Variants in ZNF443 observed in about 807,000 individuals in gnomAD.
ZNF443 encodes zinc finger protein 443.
A neutral mutation model predicts 12.0 loss-of-function variants in ZNF443; 3 were observed. The observed-to-expected ratio is 0.25, with a 90% CI of 0.11 to 0.64. The LOEUF (loss-of-function observed/expected upper bound fraction) is 0.64, where lower values mean the gene tolerates loss of function less well. ZNF443 is among the 30% of genes least tolerant of loss of function. The pLI, the probability that ZNF443 is intolerant of heterozygous loss-of-function variation, is 0.84. For missense variants in ZNF443, 770 were observed against 808.8 expected, an observed-to-expected ratio of 0.95 and a Z score of 0.58; for synonymous variants, 225 against 265.9, an observed-to-expected ratio of 0.85 and a Z score of 1.50.
chr19:12,440,468 A>G (rs1338432756), intron 1 of ZNF443, among the ~76,000 whole-genome samples: 2 of 151,952 alleles, frequency 1.3e-5, no homozygotes, highest in Admixed American at 1.3e-4. Context: ...TTCACCCCTC[A>G]CTTCCCCACC....
chr19:12,431,243 G>C lies in ZNF443; in HGVS notation c.929C>G (p.Thr310Arg). 6.2e-7 allele frequency: 1 copy of C among 1,611,564 alleles called. No individual in the cohort carries two copies. Among genetic ancestry groups the C allele is most frequent in the Non-Finnish European group, 8.5e-7 (1 of 1,179,034 alleles). Residue 310 changes from threonine to arginine, a missense_variant, in exon 4 of 4, where the codon ACA (threonine) becomes AGA (arginine). By Grantham distance (71) the Thr-to-Arg change is moderately conservative. Coordinates refer to ENST00000301547, the MANE Select transcript of ZNF443 (RefSeq NM_005815.5). ...ERTHTGEKPY[T>R]CKQCGKAFSV... is the part of the protein sequence containing the mutation. ...GAAGGCTTTCCCACATTGTTTACAT[G>C]TATAGGGTTTCTCTCCAGTGTGAGT... is the stretch of plus-strand genomic sequence containing the variant.
In ZNF443 at chr19:12,430,376, T is replaced by C; in HGVS notation, c.1796A>G (p.His599Arg). 1 of 1,573,088 alleles carries C rather than the reference T, an allele frequency of 6.4e-7. No homozygotes were observed. Among genetic ancestry groups the C allele is most frequent in the Non-Finnish European group, 8.6e-7 (1 of 1,158,796 alleles). Residue 599 changes from histidine (H) to arginine (R), a missense_variant, in exon 4 of 4, where the codon CAT becomes CGT. Coordinates refer to ENST00000301547, the MANE Select transcript of ZNF443 (RefSeq NM_005815.5). Reference protein sequence around the residue: ...ECPQCGKAFTHSRFLQGHEKT... With the variant: ...ECPQCGKAFTRSRFLQGHEKT... ...TTCATGTCCTTGAAGAAAACGGGAA[T>C]GAGTGAAGGCTTTACCACATTGTGG...
chr19:12,431,846 C>T lies in ZNF443; in HGVS notation c.326G>A (p.Gly109Glu). ...GGATGAATGACCCATGACTTTTTCT[C>T]CTCTCATACTGCTTTCACAAGGACC... ...GVGPCESSMRGEKVMGHSSLN... is the reference protein window; with the variant it reads ...GVGPCESSMREEKVMGHSSLN... The change falls in exon 4 of 4, where the codon GGA becomes GAA. Residue 109 changes from glycine (G) to glutamate (E), a missense_variant. Gly to Glu is a moderately conservative substitution (Grantham distance 98). Coordinates refer to ENST00000301547, the MANE Select transcript of ZNF443 (RefSeq NM_005815.5). 4.3e-6 allele frequency: 7 copies of T among 1,614,100 alleles called. No individual in the cohort carries two copies. Among genetic ancestry groups the T allele is most frequent in the Non-Finnish European group, 5.9e-6 (7 of 1,180,008 alleles).
rs778532983 is a variant in ZNF443, at chr19:12,431,320, C to T, written c.852G>A (p.Lys284=). ...THTGEKPYKC[K]QCSKAFPDSS... is the part of the protein sequence containing the mutation. Reference sequence around the variant, plus strand: ...AATCAGGGAAGGCTTTAGAACACTGCTTACATTTATATGGTTTCTCCCCAG... The same window carrying T: ...AATCAGGGAAGGCTTTAGAACACTGTTTACATTTATATGGTTTCTCCCCAG... Residue 284 remains lysine (K), a synonymous_variant, in exon 4 of 4, where the codon AAG becomes AAA. Coordinates refer to ENST00000301547, the MANE Select transcript of ZNF443 (RefSeq NM_005815.5). The T allele has an allele frequency of 1.9e-6, 3 of 1,613,866 alleles. No homozygotes were observed. The highest frequency in any genetic ancestry group is 1.1e-5 in the South Asian group (1 of 91,056).
At chr19:12,436,880 A>C (rs1479358342) in intron 1 of ZNF443, among the ~76,000 whole-genome samples, 1 of 48,814 alleles carries the variant, frequency 2.0e-5, no homozygotes, top group East Asian at 5.3e-4. Context: ...GATATCATAA[A>C]GGTTTGTTCA....
intron 1 of ZNF443, 62 bp downstream of exon 1, chr19:12,440,850 C>G (rs952082777): frequency 1.9e-6 from 3 of 1,613,172 alleles, no homozygotes; most frequent in African/African-American, 1.3e-5. Context: ...CAGCCACAGC[C>G]GATTACGGCC....
chr19:12,438,172 T>C (rs1029246142), intron 1 of ZNF443, among the ~76,000 whole-genome samples: 3 of 152,028 alleles, frequency 2.0e-5, no homozygotes, highest in African/African-American at 7.2e-5. Context: ...TAGTCAAAGC[T>C]ACTCTCTTAC....
chr19:12,432,830 T>C (rs1236675755), intron 2 of ZNF443, among the ~76,000 whole-genome samples: 1 of 147,676 alleles, frequency 6.8e-6, no homozygotes, highest in Admixed American at 6.8e-5. Context: ...CGACATAAAA[T>C]ATATGTATTA....
chr19:12,439,571 C>G (rs1970344855), intron 1 of ZNF443, among the ~76,000 whole-genome samples: 1 of 152,044 alleles, frequency 6.6e-6, no homozygotes, highest in South Asian at 2.1e-4. Flanking sequence ...ACTGCAACTT[C>G]AAACTCCTGG....
At chr19:12,440,711 C>T (rs919177942) in intron 1 of ZNF443, among the ~76,000 whole-genome samples, 5 of 152,216 alleles carry the variant, frequency 3.3e-5, no homozygotes, top group African/African-American at 9.6e-5. Context: ...GCAGTCGCCG[C>T]GCAGGAACGG....
chr19:12,437,655 A>C (rs1970327142), intron 1 of ZNF443, among the ~76,000 whole-genome samples: 1 of 152,178 alleles, frequency 6.6e-6, no homozygotes, highest in Non-Finnish European at 1.5e-5. Context: ...GGACTGACAG[A>C]GTAGAATAAA....
intron 1 of ZNF443, among the ~76,000 whole-genome samples, chr19:12,434,209 C>G (rs1028793521): frequency 2.6e-5 from 4 of 152,188 alleles, no homozygotes; most frequent in African/African-American, 9.7e-5. Context: ...AAGAAACACT[C>G]TGGGCATTGG....
chr19:12,439,157 G>A (rs1970341759), intron 1 of ZNF443, among the ~76,000 whole-genome samples: 1 of 152,162 alleles, frequency 6.6e-6, no homozygotes, highest in South Asian at 2.1e-4. Flanking sequence ...TCAAAGGGCA[G>A]GTTCTCCAGT....
chr19:12,431,349 G>A lies in ZNF443; in HGVS notation c.823C>T (p.His275Tyr), dbSNP rs1182839998. The change falls in exon 4 of 4, where the codon CAT becomes TAT. Residue 275 changes from histidine to tyrosine, a missense_variant. By Grantham distance (83) the His-to-Tyr change is moderately conservative (BLOSUM62 2). Transcript: ENST00000301547. ...YSSYLRHERT[H>Y]TGEKPYKCKQ... ...CATTTATATGGTTTCTCCCCAGTAT[G>A]TGTTCTTTCATGTCTTAGATAGGAA... is the stretch of plus-strand genomic sequence containing the variant. The A allele has an allele frequency of 1.2e-6, 2 of 1,614,064 alleles. No individual in the cohort carries two copies. Among genetic ancestry groups the A allele is most frequent in the Admixed American group, 1.7e-5 (1 of 60,000 alleles).
At chr19:12,438,513 AC>A (rs1280947339) in intron 1 of ZNF443, among the ~76,000 whole-genome samples, 9 of 152,168 alleles carry the variant, frequency 5.9e-5, no homozygotes, top group African/African-American at 2.2e-4. Flanking sequence ...CAAAATCTCC[AC>A]CCTTTTAAAA....
chr19:12,438,395 A>T (rs1174805264), intron 1 of ZNF443, among the ~76,000 whole-genome samples: 5 of 152,330 alleles, frequency 3.3e-5, no homozygotes, highest in East Asian at 3.9e-4. Flanking sequence ...GTGATATAGT[A>T]AAAAATAATT....
At chr19:12,437,981 G>A (rs1023722221) in intron 1 of ZNF443, among the ~76,000 whole-genome samples, 1 of 151,764 alleles carries the variant, frequency 6.6e-6, no homozygotes, top group Non-Finnish European at 1.5e-5. Flanking sequence ...CGCACCCGTA[G>A]TCCCAGCTAC....
Position 12,431,548 on chromosome 19 carries a change from C to A in ZNF443, c.624G>T (p.Trp208Cys), listed in dbSNP as rs1970254353. 1.2e-6 allele frequency: 2 copies of A among 1,613,966 alleles called. No homozygotes were observed. Among genetic ancestry groups the A allele is most frequent in the East Asian group, 2.2e-5 (1 of 44,870 alleles). The change falls in exon 4 of 4, where the codon TGG (tryptophan) becomes TGT (cysteine). Residue 208 changes from tryptophan (W) to cysteine (C), a missense_variant. Transcript: ENST00000301547. ...KCKLCGKAFF[W>C]PSLLHMHERT... ...TTTCATGCATATGTAATAAACTGGGCCAAAAAAACGCTTTCCCACACAACT... is the reference window on the plus strand; with the variant it reads ...TTTCATGCATATGTAATAAACTGGGACAAAAAAACGCTTTCCCACACAACT...
In ZNF443 at chr19:12,431,519, G is replaced by A. The variant is rs143162114; in HGVS notation, c.653C>T (p.Thr218Met). Residue 218 changes from threonine to methionine, a missense_variant, in exon 4 of 4, where the codon ACG (threonine) becomes ATG (methionine). Coordinates refer to ENST00000301547, the MANE Select transcript of ZNF443 (RefSeq NM_005815.5). ...TTCATATGGTTTCTCTCCAGTGTGC[G>A]TTCTTTCATGCATATGTAATAAACT... The part of the protein sequence containing the change: ...WPSLLHMHER[T>M]HTGEKPYECK... The A allele has an allele frequency of 6.0e-4, 963 of 1,614,112 alleles. 2 individuals are homozygous for A. The highest frequency in any genetic ancestry group is 1.5e-3 in the Middle Eastern group (9 of 6,062).
Sources: gnomAD v4.1 joint callset for allele counts (sites outside exome capture counted in the v4.1 genomes callset) on GRCh38, gnomAD v4.1.1 for gene constraint, MANE v1.5 for transcripts, NCBI Gene and HGNC (gene_info 2026-07-23, HGNC 2026-07-21) for gene names.